Variants in CTCF observed in about 807,000 individuals in gnomAD.
The protein encoded by CTCF is transcriptional repressor CTCF.
A neutral mutation model predicts 72.3 loss-of-function variants in CTCF; 7 were observed. The ratio of observed to expected loss-of-function variants is 0.10; its 90% CI spans 0.06 to 0.18. The LOEUF (loss-of-function observed/expected upper bound fraction) is 0.18, where lower values mean the gene tolerates loss of function less well. CTCF is among the 10% of genes least tolerant of loss of function. The probability of loss-of-function intolerance (pLI) is 1.00; values close to 1 mark genes in which losing one functional copy is unlikely to be tolerated. For synonymous variants in CTCF, 374 were observed against 315.8 expected (o/e 1.18, Z -1.95); for missense variants, 516 against 949.1 (o/e 0.54, Z 6.00).
chr16:67,622,099 G>A (rs951725261), intron 7 of CTCF, among the ~76,000 whole-genome samples: 4 of 152,084 alleles, frequency 2.6e-5, no homozygotes, highest in African/African-American at 7.2e-5. Context: ...GCTCACACCT[G>A]TAATCCCAGC....
chr16:67,631,506 C>G (rs1044586033), intron 10 of CTCF, among the ~76,000 whole-genome samples: 1 of 151,826 alleles, frequency 6.6e-6, no homozygotes, highest in Non-Finnish European at 1.5e-5. Flanking sequence ...CACTGTGTGG[C>G]TCAGGCTGGT....
At chr16:67,598,388 A>G (rs2051842575) in intron 2 of CTCF, among the ~76,000 whole-genome samples, 2 of 152,206 alleles carry the variant, frequency 1.3e-5, no homozygotes, top group South Asian at 4.1e-4. Context: ...TATTTAATAG[A>G]TTGTATATAC....
At chr16:67,616,984 T>C in intron 5 of CTCF, 106 bp downstream of exon 5, 1 of 1,167,642 alleles carries the variant, frequency 8.6e-7, no homozygotes, top group Non-Finnish European at 1.3e-6. Context: ...GGTAGAAAAA[T>C]GTTAGTAAAT....
intron 1 of CTCF, among the ~76,000 whole-genome samples, chr16:67,564,719 ACAG>A (rs2051320355): frequency 6.6e-6 from 1 of 152,224 alleles, no homozygotes; most frequent in South Asian, 2.1e-4. Flanking sequence ...AAATTAAAAT[ACAG>A]CAGGTGTATA....
chr16:67,584,113 T>C (rs754295460), intron 2 of CTCF, among the ~76,000 whole-genome samples: 8 of 151,792 alleles, frequency 5.3e-5, no homozygotes, highest in Admixed American at 1.3e-4. Context: ...GGCTCATGCC[T>C]GTAATCCCAG....
intron 2 of CTCF, among the ~76,000 whole-genome samples, chr16:67,602,885 A>C (rs2051916404): frequency 6.6e-6 from 1 of 151,834 alleles, no homozygotes; most frequent in Non-Finnish European, 1.5e-5. Context: ...TAATGGGGAA[A>C]CAGTAATAGT....
At position 67,571,182 on chromosome 16, in the gene CTCF, C is replaced by G. The variant is rs1011384125; in HGVS notation, c.-92C>G. On this transcript the variant is annotated 5_prime_UTR_variant, in exon 2 of 12. Coordinates refer to ENST00000264010, the MANE Select transcript of CTCF (RefSeq NM_006565.4). Reference sequence around the variant, plus strand: ...GGACCTGAAGCCAAAGAACAAGATGCGCTAGTGGACAGATTGCTGACCAGG... The same window carrying G: ...GGACCTGAAGCCAAAGAACAAGATGGGCTAGTGGACAGATTGCTGACCAGG... 6.6e-6 allele frequency: 1 copy of G among 152,504 alleles called. No individual in the cohort carries two copies. The highest frequency in any genetic ancestry group is 2.4e-5 in the African/African-American group (1 of 41,408). 9.4% of individuals were successfully genotyped at this position (152,504 alleles called of 1,614,324 possible).
chr16:67,631,176 T>TTTTTTTTTTTTTTTG (rs2052360118), intron 10 of CTCF, among the ~76,000 whole-genome samples: 1 of 148,536 alleles, frequency 6.7e-6, no homozygotes, highest in African/African-American at 2.5e-5. Context: ...TTTTTTGTTT[T>TTTTTTTTTTTTTTTG]TTTTTTGAGA....
rs2142849760 is a variant in CTCF, at chr16:67,621,575, C to A, written c.1341C>A (p.Ala447=). 1 of 1,604,714 alleles carries A rather than the reference C, an allele frequency of 6.2e-7. No homozygotes were observed. Among genetic ancestry groups the A allele is most frequent in the Non-Finnish European group, 8.5e-7 (1 of 1,172,756 alleles). ...GTCCCCACTGTGACACAGTCATAGC[C>A]CGAAAAAGTGATTTGGGTAAGTAGA... ...FHCPHCDTVI[A]RKSDLGVHLR... is the part of the protein sequence containing the mutation. The change falls in exon 7 of 12, where the codon GCC becomes GCA. Residue 447 remains alanine, a synonymous_variant. Coordinates refer to ENST00000264010, the MANE Select transcript of CTCF (RefSeq NM_006565.4).
intron 1 of CTCF, among the ~76,000 whole-genome samples, chr16:67,565,535 A>G (rs1160197995): frequency 2.6e-5 from 4 of 151,750 alleles, no homozygotes; most frequent in South Asian, 2.1e-4. Context: ...TTAGCCAGGC[A>G]TGGTGGCACA....
intron 2 of CTCF, among the ~76,000 whole-genome samples, chr16:67,606,042 A>G (rs1332923525): frequency 6.6e-6 from 1 of 152,100 alleles, no homozygotes; most frequent in Non-Finnish European, 1.5e-5. Context: ...GAAATGAGTG[A>G]ATCTTTACTT....
chr16:67,611,136 A>G lies in CTCF; in HGVS notation c.304A>G (p.Asn102Asp), dbSNP rs1254991314. ...CCAGATTATAACTTTACAGGTTGTA[A>G]ATATGGAGGAACAGCCCATAAACAT... ...DTQIITLQVV[N>D]MEEQPINIGE... The change falls in exon 3 of 12, where the codon AAT (asparagine) becomes GAT (aspartate). Residue 102 changes from asparagine (N) to aspartate (D), a missense_variant. Transcript: ENST00000264010. 1 of 1,614,202 alleles carries G rather than the reference A, an allele frequency of 6.2e-7. No homozygotes were observed.
intron 10 of CTCF, among the ~76,000 whole-genome samples, chr16:67,631,150 G>GTTTTTTT (rs1472086135): frequency 4.5e-5 from 6 of 132,534 alleles, no homozygotes; most frequent in African/African-American, 9.6e-5. Flanking sequence ...TTTGTTCTTT[G>GTTTTTTT]TTTGTTTTTT....
At chr16:67,583,761 A>C (rs1484601772) in intron 2 of CTCF, among the ~76,000 whole-genome samples, 1 of 152,084 alleles carries the variant, frequency 6.6e-6, no homozygotes, top group African/African-American at 2.4e-5. Context: ...TACAGTGATT[A>C]ATCCTTGACT....
Position 67,628,376 on chromosome 16 carries a change from C to A in CTCF, c.1525C>A (p.His509Asn). 6.2e-7 allele frequency: 1 copy of A among 1,613,726 alleles called. No homozygotes were observed. Among genetic ancestry groups the A allele is most frequent in the Non-Finnish European group, 8.5e-7 (1 of 1,179,678 alleles). ...TCCCCCTATGCCGTTTCAGGAGAGG[C>A]ACATGATCATGCACAAGCGCACCCA... is the stretch of plus-strand genomic sequence containing the variant. ...QCDYACRQER[H>N]MIMHKRTHTG... Residue 509 changes from histidine to asparagine, a missense_variant, in exon 9 of 12, where the codon CAC (histidine) becomes AAC (asparagine). This residue lies in a region of CTCF where 81 missense variants were observed against 184.3 expected (regional missense o/e 0.44). Coordinates refer to ENST00000264010, the MANE Select transcript of CTCF (RefSeq NM_006565.4).
Position 67,612,824 on chromosome 16 carries a change from C to CTGAG in CTCF, c.952+704_952+705insGAGT, listed in dbSNP as rs1037973115. On this transcript the variant is annotated intron_variant, in intron 4 of 11. Transcript: ENST00000264010. ...TGGTGGCGGGTGCCTGTAATCCCAG[C>CTGAG]TACTCAGGAGGCTCAGGCAGGAGAA... Among the ~76,000 whole-genome samples the CTGAG allele has an allele frequency of 2.0e-5, 3 of 152,064 alleles. No homozygotes were observed. The East Asian group carries it at 5.8e-4, about 29-fold the overall frequency.
chr16:67,634,141 C>T lies in CTCF; in HGVS notation c.1838-2549C>T, dbSNP rs1272333101. Among the ~76,000 whole-genome samples the T allele has an allele frequency of 2.0e-5, 3 of 152,112 alleles. No individual in the cohort carries two copies. In the East Asian group the frequency reaches 5.8e-4, roughly 29 times the overall value. ...TTTATTATTTTTTGGAACCTCACAC[C>T]CTGCTCCCCTAAAAGCATTTTTAAA... On this transcript the variant is annotated intron_variant, in intron 10 of 11. Transcript: ENST00000264010.
rs1200498286 is a variant in CTCF at position 67,629,449 on chromosome 16, G to A, written c.1753G>A (p.Gly585Arg). The A allele has an allele frequency of 6.2e-7, 1 of 1,611,122 alleles. No homozygotes were observed. Among genetic ancestry groups the A allele is most frequent in the Admixed American group, 1.7e-5 (1 of 59,544 alleles). ...DNCAGPDGVE[G>R]ENGGETKKSK... is the part of the protein sequence containing the mutation. ...TTGTGCTGGCCCAGATGGCGTAGAG[G>A]GGGAAAATGGAGGAGAAACGAAGAA... Residue 585 changes from glycine (G) to arginine (R), a missense_variant, in exon 10 of 12, where the codon GGG (glycine) becomes AGG (arginine). By Grantham distance (125) the Gly-to-Arg change is moderately radical. Coordinates refer to ENST00000264010, the MANE Select transcript of CTCF (RefSeq NM_006565.4).
intron 4 of CTCF, chr16:67,615,632 G>A (rs971828722): frequency 6.6e-6 from 1 of 152,132 alleles, no homozygotes; most frequent in African/African-American, 2.4e-5. Context: ...AAAACGAAAA[G>A]AAAATTGGAT....
Sources: allele counts gnomAD v4.1 joint callset (sites outside exome capture counted in the v4.1 genomes callset), GRCh38; gene constraint gnomAD v4.1.1; regional missense constraint gnomAD v4.1.1; transcripts MANE v1.5; gene names NCBI Gene and HGNC (gene_info 2026-07-23, HGNC 2026-07-21).